P2RY6: variants seen among roughly 807,000 people sequenced by gnomAD.
P2RY6 encodes P2Y purinoceptor 6.
In P2RY6, 19 loss-of-function variants were observed where a neutral mutation model predicts 16.3. The observed-to-expected ratio is 1.16, with a 90% CI of 0.81 to 1.71. The LOEUF (loss-of-function observed/expected upper bound fraction) is 1.71, where lower values mean the gene tolerates loss of function less well. P2RY6 is among the 40% of genes most tolerant of loss of function. The probability of loss-of-function intolerance (pLI) is 0.00; values close to 1 mark genes in which losing one functional copy is unlikely to be tolerated. For missense variants in P2RY6, 389 were observed against 455.5 expected, an observed-to-expected ratio of 0.85 and a Z score of 1.33; for synonymous variants, 184 against 201.5, an observed-to-expected ratio of 0.91 and a Z score of 0.74.
chr11:73,293,745 CT>C (rs1864365473), intron 1 of P2RY6, among the ~76,000 whole-genome samples: 1 of 152,210 alleles, frequency 6.6e-6, no homozygotes, highest in South Asian at 2.1e-4. Flanking sequence ...CCCCTGCCTC[CT>C]TCCAAGAGGG....
chr11:73,277,573 A>T (rs1863590346), intron 1 of P2RY6, among the ~76,000 whole-genome samples: 1 of 152,240 alleles, frequency 6.6e-6, no homozygotes. Context: ...TCACAATAGG[A>T]TTAGCCCAAA....
intron 1 of P2RY6, among the ~76,000 whole-genome samples, chr11:73,294,261 G>A (rs1864387654): frequency 6.6e-6 from 1 of 152,112 alleles, no homozygotes; most frequent in Non-Finnish European, 1.5e-5. Flanking sequence ...CTTCCATCAG[G>A]TGGCTCACAC....
At chr11:73,280,611 G>A (rs1421420232) in intron 1 of P2RY6, among the ~76,000 whole-genome samples, 1 of 152,128 alleles carries the variant, frequency 6.6e-6, no homozygotes, top group African/African-American at 2.4e-5. Flanking sequence ...AGATCTTCAG[G>A]TAGATGTCCC....
intron 1 of P2RY6, among the ~76,000 whole-genome samples, chr11:73,286,194 T>C (rs554647289): frequency 8.5e-5 from 13 of 152,250 alleles, no homozygotes; most frequent in African/African-American, 3.1e-4. Flanking sequence ...CTCAGAGGCC[T>C]GTCATTGACC....
intron 1 of P2RY6, among the ~76,000 whole-genome samples, chr11:73,274,540 C>CAAAAAAAAA (rs59442426): frequency 4.4e-5 from 3 of 68,500 alleles, no homozygotes; most frequent in African/African-American, 1.2e-4. Flanking sequence ...GAGACTGTCT[C>CAAAAAAAAA]AAAAAAAAAA....
At position 73,297,670 on chromosome 11, in the gene P2RY6, C is replaced by T; in HGVS notation, c.*165C>T. 3.1e-6 allele frequency: 2 copies of T among 636,638 alleles called. No individual in the cohort carries two copies. The highest frequency in any genetic ancestry group is 2.0e-5 in the South Asian group (1 of 49,906). The allele number at this position is 636,638 out of a possible 1,614,324, so 39.4% of individuals were successfully genotyped here. On this transcript the variant is annotated 3_prime_UTR_variant, in exon 3 of 3. Transcript: ENST00000540124. Reference sequence around the variant, plus strand: ...TCACCAAAAACTATTTCTTCAGCCCCTTCTCTGGCCCAGACCCTGTGGGCA... The same window carrying T: ...TCACCAAAAACTATTTCTTCAGCCCTTTCTCTGGCCCAGACCCTGTGGGCA...
intron 1 of P2RY6, 106 bp downstream of exon 1, chr11:73,272,572 C>G: frequency 1.1e-6 from 1 of 919,746 alleles, no homozygotes; most frequent in Non-Finnish European, 1.3e-6. Context: ...TCATCACAGG[C>G]AAGAGTGGCA....
chr11:73,266,784 CGGGCACCACAGA>C (rs1227807950), intron 1 of P2RY6, among the ~76,000 whole-genome samples: 1 of 152,144 alleles, frequency 6.6e-6, no homozygotes, highest in Admixed American at 6.5e-5. Context: ...AGTGCAACCT[CGGGCACCACAGA>C]GGCAAGCCAC....
chr11:73,293,964 C>T (rs1006395983), intron 1 of P2RY6, among the ~76,000 whole-genome samples: 2 of 152,050 alleles, frequency 1.3e-5, no homozygotes, highest in Admixed American at 1.3e-4. Context: ...CTCCTCAGAC[C>T]CTGTGTGAGG....
intron 1 of P2RY6, among the ~76,000 whole-genome samples, chr11:73,275,929 A>G (rs967074243): frequency 2.6e-5 from 4 of 152,226 alleles, no homozygotes; most frequent in Non-Finnish European, 5.9e-5. Flanking sequence ...TATAACTCAC[A>G]TAGAATAAGT....
intron 1 of P2RY6, among the ~76,000 whole-genome samples, chr11:73,275,256 C>T (rs1219727322): frequency 6.6e-6 from 1 of 152,206 alleles, no homozygotes; most frequent in African/African-American, 2.4e-5. Context: ...ACTCCCAGGG[C>T]AGTGCCGGTT....
chr11:73,292,691 A>T, intron 1 of P2RY6: 1 of 523,836 alleles, frequency 1.9e-6, no homozygotes, highest in Non-Finnish European at 2.4e-6. Context: ...CTCTAAGCCC[A>T]GTTTCCGCCA....
chr11:73,280,929 G>A (rs1863735667), intron 1 of P2RY6, among the ~76,000 whole-genome samples: 1 of 152,108 alleles, frequency 6.6e-6, no homozygotes, highest in Non-Finnish European at 1.5e-5. Flanking sequence ...GCTGAGCCAG[G>A]GTCCATCTGG....
At chr11:73,287,994 C>T (rs1298781670) in intron 1 of P2RY6, among the ~76,000 whole-genome samples, 1 of 152,216 alleles carries the variant, frequency 6.6e-6, no homozygotes, top group Non-Finnish European at 1.5e-5. Flanking sequence ...TGCCCTTGAC[C>T]TCTCAGCCCT....
At position 73,294,415 on chromosome 11, in the gene P2RY6, A is replaced by G. The variant is rs1403237552; in HGVS notation, c.-120-1315A>G. ...TGAAAACAAGAGAATGAACATGTGA[A>G]TGAGAATGGCCTGAACCAATGAATG... is the stretch of plus-strand genomic sequence containing the variant. On this transcript the variant is annotated intron_variant, in intron 1 of 2. Transcript: ENST00000540124. 5.3e-5 allele frequency among the ~76,000 whole-genome samples: 8 copies of G among 152,362 alleles called. No individual in the cohort carries two copies. The East Asian group carries it at 1.2e-3, about 22-fold the overall frequency.
intron 1 of P2RY6, among the ~76,000 whole-genome samples, chr11:73,273,078 G>GTT (rs1191567429): frequency 6.7e-6 from 1 of 149,162 alleles, no homozygotes; most frequent in Non-Finnish European, 1.5e-5. Flanking sequence ...AGCTGGCCCC[G>GTT]TGAGAGTGGT....
upstream of P2RY6, among the ~76,000 whole-genome samples, chr11:73,269,457 T>C (rs1330301836): frequency 6.6e-6 from 1 of 152,050 alleles, no homozygotes; most frequent in Non-Finnish European, 1.5e-5. Context: ...TCTGGGACAG[T>C]TTGAAGATTA....
At chr11:73,280,072 C>A (rs947375626) in intron 1 of P2RY6, among the ~76,000 whole-genome samples, 1 of 152,300 alleles carries the variant, frequency 6.6e-6, no homozygotes, top group South Asian at 2.1e-4. Flanking sequence ...GCAAGCTGGG[C>A]CCCAGGCAGG....
chr11:73,283,218 C>G (rs1270770183), intron 1 of P2RY6, among the ~76,000 whole-genome samples: 1 of 152,098 alleles, frequency 6.6e-6, no homozygotes, highest in Non-Finnish European at 1.5e-5. Flanking sequence ...TTTTGTATCC[C>G]CAGGGGCAGT....
Sources: allele counts gnomAD v4.1 joint callset (sites outside exome capture counted in the v4.1 genomes callset), GRCh38; gene constraint gnomAD v4.1.1; transcripts MANE v1.5; gene names NCBI Gene and HGNC (gene_info 2026-07-23, HGNC 2026-07-21).